The following PCDHA7 variants were observed in gnomAD, a reference collection of about 807,000 sequenced individuals.
PCDHA7 encodes the protein protocadherin alpha 7, also known as protocadherin alpha-7.
A neutral mutation model predicts 57.2 loss-of-function variants in PCDHA7; 37 were observed. The ratio of observed to expected loss-of-function variants is 0.65; its 90% CI spans 0.50 to 0.85. The LOEUF (loss-of-function observed/expected upper bound fraction) is 0.85. PCDHA7 is among the 40% of genes least tolerant of loss of function. The pLI, the probability that PCDHA7 is intolerant of heterozygous loss-of-function variation, is 0.00. For synonymous variants in PCDHA7, 553 were observed against 558.8 expected (o/e 0.99, Z 0.15); for missense variants, 1,188 against 1,241.8 (o/e 0.96, Z 0.65).
chr5:140,902,284 T>C (rs2069352303), intron 1 of PCDHA7, among the ~76,000 whole-genome samples: 2 of 149,984 alleles, frequency 1.3e-5, no homozygotes, highest in South Asian at 4.3e-4. Context: ...GCAATCCTCC[T>C]GCCTCAGCCT....
At chr5:140,888,752 C>A (rs782384703) in intron 1 of PCDHA7, among the ~76,000 whole-genome samples, 44 of 151,842 alleles carry the variant, frequency 2.9e-4, no homozygotes, top group Non-Finnish European at 5.7e-4. Context: ...TTATTCTACC[C>A]ACTTTTTTTT....
At chr5:140,884,357 A>G (rs1562803365) in intron 1 of PCDHA7, 1 of 1,613,864 alleles carries the variant, frequency 6.2e-7, no homozygotes, top group Non-Finnish European at 8.5e-7. Flanking sequence ...GGTGGATGTC[A>G]ATGTTTACTT....
chr5:140,889,541 ATTTAC>A (rs1434823292), intron 1 of PCDHA7, among the ~76,000 whole-genome samples: 9 of 151,878 alleles, frequency 5.9e-5, no homozygotes, highest in African/African-American at 2.2e-4. Context: ...TTCCTGTCTA[ATTTAC>A]TTTTCTTCAG....
intron 1 of PCDHA7, chr5:140,875,642 C>A: frequency 6.2e-7 from 1 of 1,613,606 alleles, no homozygotes; most frequent in Non-Finnish European, 8.5e-7. Flanking sequence ...CTGGAGCTGG[C>A]GGAGCTGGTG....
intron 1 of PCDHA7, among the ~76,000 whole-genome samples, chr5:140,913,735 G>A (rs1416656981): frequency 6.6e-6 from 1 of 151,834 alleles, no homozygotes; most frequent in Non-Finnish European, 1.5e-5. Context: ...CCCTCTAATA[G>A]TACTCCTTTT....
Position 140,836,667 on chromosome 5 carries a change from G to C in PCDHA7, c.2284G>C (p.Glu762Gln). ...QQRRQRVCSGEGPPKTDLMAF... is the reference protein window; with the variant it reads ...QQRRQRVCSGQGPPKTDLMAF... ...GAGGCGGCAGAGGGTGTGCTCTGGGGAGGGCCCACCCAAGACAGACCTCAT... is the reference window on the plus strand; with the variant it reads ...GAGGCGGCAGAGGGTGTGCTCTGGGCAGGGCCCACCCAAGACAGACCTCAT... Residue 762 changes from glutamate to glutamine, a missense_variant, in exon 1 of 4, where the codon GAG becomes CAG. Coordinates refer to ENST00000525929, the MANE Select transcript of PCDHA7 (RefSeq NM_018910.3). 2 of 1,613,396 alleles carry C rather than the reference G, an allele frequency of 1.2e-6. No individual in the cohort carries two copies. Among genetic ancestry groups the C allele is most frequent in the Non-Finnish European group, 1.7e-6 (2 of 1,179,566 alleles).
chr5:140,926,068 G>A (rs2082901302), intron 1 of PCDHA7, among the ~76,000 whole-genome samples: 1 of 152,168 alleles, frequency 6.6e-6, no homozygotes, highest in African/African-American at 2.4e-5. Context: ...CCTCCTTGTC[G>A]TCTCTATTGC....
intron 1 of PCDHA7, chr5:140,876,180 T>G (rs782772220): frequency 1.2e-6 from 2 of 1,613,982 alleles, no homozygotes; most frequent in East Asian, 4.5e-5. Flanking sequence ...TGGATGTGAA[T>G]GACAATGGTC....
intron 1 of PCDHA7, among the ~76,000 whole-genome samples, chr5:140,937,039 C>CTTT (rs34994034): frequency 3.6e-5 from 5 of 140,162 alleles, no homozygotes; most frequent in African/African-American, 5.3e-5. Context: ...TTCCATTTAT[C>CTTT]TTTTTTTTTT....
intron 1 of PCDHA7, chr5:140,864,038 C>T (rs541763378): frequency 1.2e-4 from 19 of 153,004 alleles, no homozygotes; most frequent in African/African-American, 4.6e-4. Context: ...CCATCTTAAT[C>T]ACTTTTTACT....
intron 1 of PCDHA7, among the ~76,000 whole-genome samples, chr5:140,931,876 T>G (rs533517349): frequency 1.3e-5 from 2 of 152,112 alleles, no homozygotes; most frequent in South Asian, 4.1e-4. Context: ...AAATATTTAT[T>G]GCTTTCATTT....
At position 140,857,673 on chromosome 5, in the gene PCDHA7, C is replaced by G. The variant is rs372854727; in HGVS notation, c.2355+20935C>G. On this transcript the variant is annotated intron_variant, in intron 1 of 3. Transcript: ENST00000525929. The stretch of plus-strand genomic sequence containing the variant: ...GTGAGCGCGCGCGATGGGGGCGTGC[C>G]GCCTCTGGGCAGCAACTTGACGCTG... 6.3e-7 allele frequency: 1 copy of G among 1,596,942 alleles called. No homozygotes were observed. Among genetic ancestry groups the G allele is most frequent in the Non-Finnish European group, 8.6e-7 (1 of 1,167,760 alleles).
At chr5:140,969,522 T>C in intron 1 of PCDHA7, 5 of 1,397,290 alleles carry the variant, frequency 3.6e-6, no homozygotes, top group Non-Finnish European at 4.7e-6. Context: ...AAGAATTGTT[T>C]TATTTTTCAT....
In PCDHA7 at chr5:140,928,822, C is replaced by G. The variant is rs782187448; in HGVS notation, c.2356-50127C>G. ...GGTAGTGGTTCGGGACCATGGAGAC[C>G]CACCACTTTCCTCCTCTGTCACTCT... On this transcript the variant is annotated intron_variant, in intron 1 of 3. Coordinates refer to ENST00000525929, the MANE Select transcript of PCDHA7 (RefSeq NM_018910.3). 6 of 1,614,116 alleles carry G rather than the reference C, an allele frequency of 3.7e-6. No individual in the cohort carries two copies. The South Asian group carries it at 6.6e-5, about 18-fold the overall frequency.
In PCDHA7 at chr5:140,884,757, TCTTTA is replaced by T. The variant is rs1486319174; in HGVS notation, c.2355+48025_2355+48029del. On this transcript the variant is annotated intron_variant, in intron 1 of 3. Transcript: ENST00000525929. ...ATCTTTCCTGCCAATTTCAAATTATTCTTTACTTTAATTTTAATTTTGCTAGTTGT... is the reference window on the plus strand; with the variant it reads ...ATCTTTCCTGCCAATTTCAAATTATTCTTTAATTTTAATTTTGCTAGTTGT... The T allele has an allele frequency of 5.5e-5, 78 of 1,427,314 alleles. 1 individual carries two copies. The highest frequency in any genetic ancestry group is 1.3e-4 in the South Asian group (8 of 61,704). The allele number at this position is 1,427,314 out of a possible 1,614,324, so 88.4% of individuals were successfully genotyped here. A position where few individuals can be genotyped will look rare whatever the true frequency, so the allele number is the denominator to read the frequency against.
intron 1 of PCDHA7, chr5:140,853,127 C>T (rs1172864205): frequency 3.4e-6 from 2 of 580,724 alleles, no homozygotes; most frequent in Non-Finnish European, 4.4e-6. Flanking sequence ...GATCCTCCCG[C>T]CTCAGCCTCC....
intron 1 of PCDHA7, among the ~76,000 whole-genome samples, chr5:140,897,693 G>A (rs1327367730): frequency 6.6e-6 from 1 of 152,008 alleles, no homozygotes; most frequent in African/African-American, 2.4e-5. Context: ...TAGTCCTTTG[G>A]GCATATACCC....
Position 140,906,278 on chromosome 5 carries a change from C to T in PCDHA7, c.2355+69540C>T, listed in dbSNP as rs546102354. On this transcript the variant is annotated intron_variant, in intron 1 of 3. Coordinates refer to ENST00000525929, the MANE Select transcript of PCDHA7 (RefSeq NM_018910.3). ...ACCTCCTGAAATTATAGATAATCTT[C>T]AAATTAAGACAATAATAAGGTCATA... Among the ~76,000 whole-genome samples the T allele has an allele frequency of 4.6e-5, 7 of 152,270 alleles. No homozygotes were observed. In the South Asian group the frequency reaches 6.2e-4, roughly 14 times the overall value.
intron 1 of PCDHA7, chr5:140,967,339 G>A (rs2153751436): frequency 6.2e-7 from 1 of 1,607,904 alleles, no homozygotes; most frequent in Non-Finnish European, 8.5e-7. Context: ...GCCCCAGCGA[G>A]CACTTCGAGC....
Sources: allele counts gnomAD v4.1 joint callset (sites outside exome capture counted in the v4.1 genomes callset), GRCh38; gene constraint gnomAD v4.1.1; transcripts MANE v1.5; gene names NCBI Gene and HGNC (gene_info 2026-07-23, HGNC 2026-07-21).